The following CATSPERG variants were observed in gnomAD, a reference collection of about 807,000 sequenced individuals.
CATSPERG encodes catsper channel auxiliary subunit gamma.
CATSPERG carries 115 observed loss-of-function variants against 145.0 expected under a neutral mutation model. The observed-to-expected ratio is 0.79, with a 90% CI of 0.68 to 0.93. CATSPERG has a LOEUF of 0.93. Among genes scored for constraint, CATSPERG ranks in the 40% least tolerant of loss-of-function variants. The probability of loss-of-function intolerance (pLI) is 0.00; values close to 1 mark genes in which losing one functional copy is unlikely to be tolerated. For synonymous variants in CATSPERG, 588 were observed against 589.0 expected (o/e 1.00, Z 0.02); for missense variants, 1,296 against 1,490.1 (o/e 0.87, Z 2.14).
chr19:38,368,231 C>A, intron 26 of CATSPERG, 94 bp downstream of exon 26: 1 of 1,021,188 alleles, frequency 9.8e-7, no homozygotes, highest in Non-Finnish European at 1.5e-6. Flanking sequence ...TCTTGATCCC[C>A]AAGTCACACT....
rs369098558 is a variant in CATSPERG at position 38,360,856 on chromosome 19, C to T, written c.1880+13C>T. On this transcript the variant is annotated intron_variant, in intron 16 of 28. Coordinates refer to ENST00000409235, the MANE Select transcript of CATSPERG (RefSeq NM_021185.5). Reference sequence around the variant, plus strand: ...TGGAGCGGAAAGGGTGAGAAGACACCGGACCATGACAGGGGTCTGAGGGCT... The same window carrying T: ...TGGAGCGGAAAGGGTGAGAAGACACTGGACCATGACAGGGGTCTGAGGGCT... 35 of 1,593,140 alleles carry T rather than the reference C, an allele frequency of 2.2e-5. No individual in the cohort carries two copies. Among genetic ancestry groups the T allele is most frequent in the African/African-American group, 2.7e-5 (2 of 74,588 alleles).
chr19:38,367,100 C>T (rs1970462946), intron 22 of CATSPERG, 56 bp from the exon 23 acceptor site: 24 of 1,528,854 alleles, frequency 1.6e-5, no homozygotes, highest in Non-Finnish European at 1.9e-5. Flanking sequence ...CCTTACCCCT[C>T]CAGGGGCCTG....
intron 11 of CATSPERG, 30 bp from the exon 12 acceptor site, chr19:38,358,248 G>A: frequency 6.2e-7 from 1 of 1,612,968 alleles, no homozygotes; most frequent in South Asian, 1.1e-5. Flanking sequence ...AGGGCCTCAG[G>A]AGATTTTGCT....
Position 38,359,639 on chromosome 19 carries a change from C to G in CATSPERG, c.1608+58C>G, listed in dbSNP as rs1350316507. 5.2e-6 allele frequency: 8 copies of G among 1,544,194 alleles called. No individual in the cohort carries two copies. In the African/African-American group the frequency reaches 9.5e-5, roughly 18 times the overall value. On this transcript the variant is annotated intron_variant, in intron 14 of 28. Coordinates refer to ENST00000409235, the MANE Select transcript of CATSPERG (RefSeq NM_021185.5). ...TCTGCCCACCCCCAAACCCCAGGGG[C>G]CCCTCTTTCCCCCGTCACAGTAAAG...
rs1304417500 is a variant in CATSPERG at position 38,352,235 on chromosome 19, C to T, written c.826-26C>T. ...GGGGCTGAGGCCAAGGCCACCTGCT[C>T]ACCACTAGCCTCTGCTCCCCTGCAG... On this transcript the variant is annotated intron_variant, in intron 7 of 28. Coordinates refer to ENST00000409235, the MANE Select transcript of CATSPERG (RefSeq NM_021185.5). 4.5e-6 allele frequency: 7 copies of T among 1,549,350 alleles called. No homozygotes were observed. The Admixed American group carries it at 5.9e-5, about 13-fold the overall frequency.
intron 11 of CATSPERG, among the ~76,000 whole-genome samples, chr19:38,357,644 T>C (rs894682109): frequency 2.0e-5 from 3 of 151,740 alleles, no homozygotes; most frequent in African/African-American, 7.3e-5. Flanking sequence ...TAGCGAAACC[T>C]CATCTCTACT....
intron 3 of CATSPERG, among the ~76,000 whole-genome samples, chr19:38,339,877 C>CA (rs1278987197): frequency 4.0e-5 from 6 of 149,534 alleles, no homozygotes; most frequent in Admixed American, 4.0e-4. Context: ...TTTTTTGAGA[C>CA]AAAATCTCAT....
rs1275232434 is a variant in CATSPERG at position 38,336,119 on chromosome 19, A to T, written c.-15+244A>T. The T allele has an allele frequency of 1.8e-5, 8 of 446,254 alleles. No individual in the cohort carries two copies. The Admixed American group carries it at 1.9e-4, about 11-fold the overall frequency. 27.6% of individuals were successfully genotyped at this position (446,254 alleles called of 1,614,324 possible). ...CGGGGCGGGGCAGGAGAGTCGGGGT[A>T]TAGAGCAGGCAGGTGTTAATGGCAT... On this transcript the variant is annotated intron_variant, in intron 1 of 28. Coordinates refer to ENST00000409235, the MANE Select transcript of CATSPERG (RefSeq NM_021185.5).
rs1970474853 is a variant in CATSPERG at position 38,367,586 on chromosome 19, C to A, written c.2834+14C>A. 6.2e-7 allele frequency: 1 copy of A among 1,613,808 alleles called. No individual in the cohort carries two copies. The highest frequency in any genetic ancestry group is 1.1e-5 in the South Asian group (1 of 91,076). The stretch of plus-strand genomic sequence containing the variant: ...TTTCCAGGGCAGGTAAAGGCGTGGC[C>A]AGCTTGCAGCTAGGGCAGGTGGAGG... On this transcript the variant is annotated intron_variant, in intron 24 of 28. Transcript: ENST00000409235.
chr19:38,358,146 G>C, intron 11 of CATSPERG, 132 bp from the exon 12 acceptor site: 1 of 797,638 alleles, frequency 1.3e-6, no homozygotes, highest in Non-Finnish European at 2.1e-6. Context: ...GAAACTCTAA[G>C]GACTAGCAAA....
Position 38,356,554 on chromosome 19 carries a change from C to A in CATSPERG, c.1195+11C>A. The A allele has an allele frequency of 6.2e-7, 1 of 1,613,108 alleles. No individual in the cohort carries two copies. Among genetic ancestry groups the A allele is most frequent in the Non-Finnish European group, 8.5e-7 (1 of 1,179,474 alleles). On this transcript the variant is annotated intron_variant, in intron 10 of 28. Coordinates refer to ENST00000409235, the MANE Select transcript of CATSPERG (RefSeq NM_021185.5). ...GCGAGCAGATAGGAGGTACTCATTACCCCGATGGGTCTGCGGTGGGAGGCT... is the reference window on the plus strand; with the variant it reads ...GCGAGCAGATAGGAGGTACTCATTAACCCGATGGGTCTGCGGTGGGAGGCT...
At chr19:38,351,386 A>C (rs1970136527) in intron 7 of CATSPERG, among the ~76,000 whole-genome samples, 1 of 152,266 alleles carries the variant, frequency 6.6e-6, no homozygotes, top group East Asian at 1.9e-4. Flanking sequence ...AGGTGGGCGG[A>C]TCACGAGGTC....
At chr19:38,352,777 AAGTC>A (rs948669972) in intron 8 of CATSPERG, among the ~76,000 whole-genome samples, 2 of 151,206 alleles carry the variant, frequency 1.3e-5, no homozygotes, top group African/African-American at 4.9e-5. Flanking sequence ...CGGGGAGAGA[AAGTC>A]AGAGGGAGAG....
chr19:38,362,336 C>A lies in CATSPERG; in HGVS notation c.2158-40C>A, dbSNP rs780373971. 32 of 1,613,546 alleles carry A rather than the reference C, an allele frequency of 2.0e-5. No homozygotes were observed. In the South Asian group the frequency reaches 3.1e-4, roughly 16 times the overall value. ...CCCGGACACCCCTCACCGTGCCCCA[C>A]CCCCGGCGCTGACTCTGCCCCGCGC... On this transcript the variant is annotated intron_variant, in intron 18 of 28. Coordinates refer to ENST00000409235, the MANE Select transcript of CATSPERG (RefSeq NM_021185.5).
rs1272502408 is a variant in CATSPERG, at chr19:38,353,558, G to A, written c.997+1126G>A. ...AGAAAATTAGCAAAATTAGCTGGGC[G>A]TGGTGGCACATGCCTGTAGTCCCAG... is the stretch of plus-strand genomic sequence containing the variant. On this transcript the variant is annotated intron_variant, in intron 8 of 28. Transcript: ENST00000409235. 5.3e-5 allele frequency among the ~76,000 whole-genome samples: 8 copies of A among 150,848 alleles called. No individual in the cohort carries two copies. In the South Asian group the frequency reaches 1.7e-3, roughly 32 times the overall value.
rs1970370916 is a variant in CATSPERG at position 38,362,662 on chromosome 19, G to A, written c.2357-52G>A. On this transcript the variant is annotated intron_variant, in intron 19 of 28. Coordinates refer to ENST00000409235, the MANE Select transcript of CATSPERG (RefSeq NM_021185.5). ...TGGGGGGCGGGGACACCATCGGAGG[G>A]GCGGGGCCTGTCTGTGAGGGAGGCC... is the stretch of plus-strand genomic sequence containing the variant. 1.9e-6 allele frequency: 3 copies of A among 1,606,742 alleles called. No homozygotes were observed. In the Admixed American group the frequency reaches 5.0e-5, roughly 27 times the overall value.
intron 8 of CATSPERG, among the ~76,000 whole-genome samples, chr19:38,353,219 A>C (rs2145086152): frequency 6.6e-6 from 1 of 151,638 alleles, no homozygotes; most frequent in South Asian, 2.1e-4. Context: ...CTGTTATTCC[A>C]GCTACTCAGG....
In CATSPERG at chr19:38,359,594, G is replaced by T; in HGVS notation, c.1608+13G>T. ...AGAGACGGAGGAGGTGGGCTGCCCC[G>T]CCCCTCTCCCCGTTCCCTCTCTGCC... is the stretch of plus-strand genomic sequence containing the variant. On this transcript the variant is annotated intron_variant, in intron 14 of 28. Transcript: ENST00000409235. The T allele has an allele frequency of 6.3e-7, 1 of 1,585,486 alleles. No homozygotes were observed. Among genetic ancestry groups the T allele is most frequent in the South Asian group, 1.1e-5 (1 of 90,136 alleles).
intron 20 of CATSPERG, 31 bp downstream of exon 20, chr19:38,362,863 GAGGTT>G: frequency 9.1e-7 from 1 of 1,093,148 alleles, no homozygotes; most frequent in Non-Finnish European, 1.4e-6. Flanking sequence ...GGGATCAAGG[GAGGTT>G]TTGTTTTTTT....
Sources: allele counts gnomAD v4.1 joint callset (sites outside exome capture counted in the v4.1 genomes callset), GRCh38; gene constraint gnomAD v4.1.1; transcripts MANE v1.5; gene names NCBI Gene and HGNC (gene_info 2026-07-23, HGNC 2026-07-21).